CGGBP1: variants seen among roughly 807,000 people sequenced by gnomAD.
CGGBP1 encodes CGG triplet repeat binding protein 1.
In CGGBP1, 4 loss-of-function variants were observed where a neutral mutation model predicts 11.4. The observed-to-expected ratio is 0.35, with a 90% confidence interval of 0.17 to 0.80. CGGBP1 has a LOEUF of 0.80. Among genes scored for constraint, CGGBP1 ranks in the 30% least tolerant of loss-of-function variants. The pLI is 0.52. For synonymous variants in CGGBP1, 76 were observed against 74.1 expected (o/e 1.03, Z -0.13); for missense variants, 135 against 202.1 (o/e 0.67, Z 2.01).
intron 2 of CGGBP1, chr3:88,140,250 C>T: frequency 1.9e-6 from 3 of 1,613,852 alleles, no homozygotes; most frequent in Non-Finnish European, 1.7e-6. Context: ...TCTTCCTCTG[C>T]TGTATGAACA....
At chr3:88,129,604 C>A in intron 2 of CGGBP1, 9 of 1,090,012 alleles carry the variant, frequency 8.3e-6, no homozygotes, top group Non-Finnish European at 1.1e-5. Context: ...TAAGCAATTT[C>A]TCTTGAATGT....
chr3:88,143,879 C>G (rs934107258), intron 1 of CGGBP1: 2 of 151,904 alleles, frequency 1.3e-5, no homozygotes, highest in Non-Finnish European at 3.0e-5. Context: ...CATTTTATTA[C>G]ATCTGTCTTT....
chr3:88,113,268 C>T (rs1705201267), intron 2 of CGGBP1: 3 of 903,776 alleles, frequency 3.3e-6, no homozygotes, highest in Non-Finnish European at 4.9e-6. Context: ...CTAAATATAG[C>T]TTATTGGTTA....
chr3:88,059,286 CA>C (rs1272979885), upstream of CGGBP1: 4 of 1,530,232 alleles, frequency 2.6e-6, no homozygotes, highest in Non-Finnish European at 3.5e-6. Context: ...GGCGGCGGCG[CA>C]GGGGCTGGTA....
chr3:88,103,877 C>T (rs374746490), intron 2 of CGGBP1, among the ~76,000 whole-genome samples: 20 of 147,916 alleles, frequency 1.4e-4, no homozygotes, highest in African/African-American at 5.0e-4. Flanking sequence ...AGCGATTCTT[C>T]TGCCTCAGTC....
At chr3:88,113,703 T>G (rs1169810070) in intron 2 of CGGBP1, among the ~76,000 whole-genome samples, 4 of 152,160 alleles carry the variant, frequency 2.6e-5, no homozygotes, top group African/African-American at 9.7e-5. Context: ...ATCTTTTTAC[T>G]ACTTACTGGG....
intron 1 of CGGBP1, among the ~76,000 whole-genome samples, chr3:88,144,994 C>T (rs1707283499): frequency 6.6e-6 from 1 of 151,742 alleles, no homozygotes; most frequent in African/African-American, 2.4e-5. Flanking sequence ...CGGAACTCTC[C>T]GAAGTCAAGA....
At chr3:88,112,276 A>C (rs1206451877) in intron 2 of CGGBP1, among the ~76,000 whole-genome samples, 1 of 90,538 alleles carries the variant, frequency 1.1e-5, no homozygotes, top group Non-Finnish European at 2.5e-5. Context: ...GTTTTGATTA[A>C]AAGCAAAAAC....
At chr3:88,106,954 G>T (rs1441859036) in intron 2 of CGGBP1, among the ~76,000 whole-genome samples, 6 of 151,952 alleles carry the variant, frequency 3.9e-5, no homozygotes, top group African/African-American at 1.5e-4. Flanking sequence ...ATTTTCTATT[G>T]TTTCATTAGC....
upstream of CGGBP1, among the ~76,000 whole-genome samples, chr3:88,062,799 GAGA>G (rs995576132): frequency 2.0e-5 from 3 of 152,150 alleles, no homozygotes; most frequent in African/African-American, 7.2e-5. Flanking sequence ...TATAAAAAGA[GAGA>G]AGAATATAAT....
upstream of CGGBP1, chr3:88,059,491 C>A (rs1364611357): frequency 6.7e-7 from 1 of 1,497,204 alleles, no homozygotes; most frequent in Admixed American, 2.3e-5. Context: ...GGATTACTGC[C>A]GACGCTTCTG....
At chr3:88,121,118 C>T (rs1208171570) in intron 2 of CGGBP1, among the ~76,000 whole-genome samples, 1 of 144,534 alleles carries the variant, frequency 6.9e-6, no homozygotes, top group Non-Finnish European at 1.6e-5. Flanking sequence ...TAAATCCAAA[C>T]AAAGATGAGC....
chr3:88,124,956 C>T (rs1039531431), intron 2 of CGGBP1, among the ~76,000 whole-genome samples: 6 of 152,100 alleles, frequency 3.9e-5, no homozygotes, highest in Non-Finnish European at 8.8e-5. Context: ...TGGCTCACGC[C>T]TGTAATCCCA....
intron 2 of CGGBP1, among the ~76,000 whole-genome samples, chr3:88,111,777 T>A (rs1705103104): frequency 6.6e-6 from 1 of 151,942 alleles, no homozygotes; most frequent in African/African-American, 2.4e-5. Context: ...ACATTTACAT[T>A]CCCTCCAACA....
chr3:88,059,127 G>A, upstream of CGGBP1: 1 of 1,073,444 alleles, frequency 9.3e-7, no homozygotes, highest in South Asian at 1.7e-5. Flanking sequence ...AACATGATTG[G>A]CAGCTTGCGT....
Position 88,144,079 on chromosome 3 carries a change from CA to C in CGGBP1, c.-337-3002del, listed in dbSNP as rs759372273. On this transcript the variant is annotated intron_variant, in intron 1 of 3. Coordinates refer to the CGGBP1 transcript ENST00000462901. Reference sequence around the variant, plus strand: ...TTTGTTTTTAAATAAAAATTTCCTTCAAAAAATTAAATGTTAAATTTCTGCT... The same window carrying C: ...TTTGTTTTTAAATAAAAATTTCCTTCAAAAATTAAATGTTAAATTTCTGCT... The C allele has an allele frequency of 3.3e-5, 5 of 152,202 alleles. No homozygotes were observed. In the East Asian group the frequency reaches 9.6e-4, roughly 29 times the overall value. The allele number at this position is 152,202 out of a possible 1,614,324, so 9.4% of individuals were successfully genotyped here.
intron 2 of CGGBP1, chr3:88,086,260 G>C (rs1406835584): frequency 6.5e-7 from 1 of 1,533,238 alleles, no homozygotes; most frequent in Non-Finnish European, 8.7e-7. Flanking sequence ...CTGTCAGGTG[G>C]TTGAAGATTA....
chr3:88,130,680 T>A (rs1706405572), intron 2 of CGGBP1, among the ~76,000 whole-genome samples: 1 of 147,554 alleles, frequency 6.8e-6, no homozygotes, highest in African/African-American at 2.5e-5. Context: ...GGTTTGGAAC[T>A]CCTTGGGCTC....
chr3:88,124,003 G>C (rs1044294498), intron 2 of CGGBP1, among the ~76,000 whole-genome samples: 2 of 152,230 alleles, frequency 1.3e-5, no homozygotes, highest in African/African-American at 4.8e-5. Context: ...ATTCATGGCT[G>C]ATCAATACCT....
Sources: allele counts gnomAD v4.1 joint callset (sites outside exome capture counted in the v4.1 genomes callset), GRCh38; gene constraint gnomAD v4.1.1; transcripts MANE v1.5; gene names NCBI Gene and HGNC (gene_info 2026-07-23, HGNC 2026-07-21).